The following FTCD variants were observed in gnomAD, a reference collection of about 807,000 sequenced individuals.
FTCD encodes the protein formimidoyltransferase-cyclodeaminase.
Under a neutral mutation model 62.9 loss-of-function variants are expected in FTCD, and 76 were observed. The observed-to-expected ratio is 1.21, with a 90% CI of 1.00 to 1.46. FTCD has a LOEUF of 1.46. Ranked by LOEUF, FTCD falls within the 40% of genes most tolerant of loss-of-function variation. The pLI, the probability that FTCD is intolerant of heterozygous loss-of-function variation, is 0.00. For missense variants in FTCD, 845 were observed against 751.3 expected (o/e 1.12, Z -1.46); for synonymous variants, 397 against 336.9 (o/e 1.18, Z -1.95).
intron 7 of FTCD, among the ~76,000 whole-genome samples, chr21:46,148,158 C>T (rs1388394968): frequency 6.6e-6 from 1 of 152,144 alleles, no homozygotes; most frequent in African/African-American, 2.4e-5. Flanking sequence ...AAGTACTCCC[C>T]ACAACGTATT....
intron 10 of FTCD, among the ~76,000 whole-genome samples, chr21:46,139,441 C>T (rs1004045107): frequency 6.6e-6 from 1 of 152,178 alleles, no homozygotes; most frequent in Non-Finnish European, 1.5e-5. Context: ...CTCGGCTCCT[C>T]GGACCCACCC....
chr21:46,148,955 T>G (rs996548480), intron 7 of FTCD, among the ~76,000 whole-genome samples: 15 of 152,224 alleles, frequency 9.9e-5, no homozygotes, highest in African/African-American at 3.6e-4. Flanking sequence ...ACTGTGGTTA[T>G]GTAAGAGAAT....
rs201005405 is a variant in FTCD, at chr21:46,151,514, C to G, written c.636+44G>C. 2.6e-6 allele frequency: 4 copies of G among 1,563,114 alleles called. No homozygotes were observed. The South Asian group carries it at 3.3e-5, about 13-fold the overall frequency. On this transcript the variant is annotated intron_variant, in intron 5 of 13. Transcript: ENST00000397746. Reference sequence around the variant, plus strand: ...AGGCTCTCAGCCTCTAACCCTTTCCCGAGGGGCTGGGTGGGGCTCCATGGG... The same window carrying G: ...AGGCTCTCAGCCTCTAACCCTTTCCGGAGGGGCTGGGTGGGGCTCCATGGG...
At position 46,136,854 on chromosome 21, in the gene FTCD, C is replaced by T. The variant is rs549899245; in HGVS notation, c.*133G>A. 4.8e-5 allele frequency: 75 copies of T among 1,553,544 alleles called. No individual in the cohort carries two copies. In the African/African-American group the frequency reaches 5.2e-4, roughly 11 times the overall value. Reference sequence around the variant, plus strand: ...CCCTGCCAGCGCCTCCATTCCCAGGCGATGCCCCGCTGCCTGCCCACCTAC... The same window carrying T: ...CCCTGCCAGCGCCTCCATTCCCAGGTGATGCCCCGCTGCCTGCCCACCTAC... On this transcript the variant is annotated 3_prime_UTR_variant, in exon 14 of 14. Coordinates refer to ENST00000397746, the MANE Select transcript of FTCD (RefSeq NM_206965.2).
chr21:46,151,424 G>A (rs1200544574), intron 5 of FTCD, 134 bp downstream of exon 5: 10 of 800,890 alleles, frequency 1.2e-5, no homozygotes, highest in South Asian at 1.5e-5. Flanking sequence ...AGGCTGGGCC[G>A]GTCTGCAGGT....
Position 46,150,108 on chromosome 21 carries a change from G to A in FTCD, c.906+11C>T. On this transcript the variant is annotated intron_variant, in intron 7 of 13. Coordinates refer to ENST00000397746, the MANE Select transcript of FTCD (RefSeq NM_206965.2). ...GCCCCTGTCCGACCCTTCCTCGGCA[G>A]CCCGGCCCACCAGCCTGATCCGCTG... The A allele has an allele frequency of 6.8e-7, 1 of 1,481,328 alleles. No homozygotes were observed. The highest frequency in any genetic ancestry group is 9.1e-7 in the Non-Finnish European group (1 of 1,099,400). The allele number at this position is 1,481,328 out of a possible 1,614,324, so 91.8% of individuals were successfully genotyped here.
At chr21:46,154,417 A>C in intron 1 of FTCD, 85 bp from the exon 2 acceptor site, 1 of 1,465,842 alleles carries the variant, frequency 6.8e-7, no homozygotes, top group Non-Finnish European at 9.3e-7. Context: ...ACCCCGAGAC[A>C]CAAATGGGGG....
Position 46,154,202 on chromosome 21 carries a change from G to GC in FTCD, c.184dup (p.Ala62GlyfsTer42). On this transcript the variant is annotated frameshift_variant, in exon 2 of 14. Coordinates refer to ENST00000397746, the MANE Select transcript of FTCD (RefSeq NM_206965.2). LOFTEE classifies it high-confidence loss of function. ...GGAAGCTACCCGGGCAGCGTTGAGG[G>GC]CCCCCTCCACCACGCACTCCGGCGG... 1 of 1,612,734 alleles carries GC rather than the reference G, an allele frequency of 6.2e-7. No individual in the cohort carries two copies.
chr21:46,137,613 T>C (rs1034360227), intron 12 of FTCD, among the ~76,000 whole-genome samples: 2 of 111,184 alleles, frequency 1.8e-5, no homozygotes, highest in Admixed American at 2.2e-4. Context: ...ACCACAGTTC[T>C]AGAGACAAAG....
chr21:46,142,009 G>C (rs962703833), intron 10 of FTCD: 1 of 152,384 alleles, frequency 6.6e-6, no homozygotes, highest in African/African-American at 2.4e-5. Flanking sequence ...GAAAGGCGGA[G>C]CTCTGAGGCA....
intron 12 of FTCD, 28 bp from the exon 13 acceptor site, chr21:46,137,362 T>C (rs754686623): frequency 1.3e-6 from 2 of 1,555,434 alleles, no homozygotes; most frequent in South Asian, 2.2e-5. Context: ...AGCCCCTACA[T>C]GGATCAAGGC....
chr21:46,146,553 G>T (rs1289398536), intron 7 of FTCD: 1 of 590,878 alleles, frequency 1.7e-6, no homozygotes, highest in Non-Finnish European at 3.0e-6. Context: ...TCTGGAAACA[G>T]CCATCACCCT....
chr21:46,138,509 T>C lies in FTCD; in HGVS notation c.1442A>G (p.Gln481Arg). The C allele has an allele frequency of 6.3e-7, 1 of 1,584,310 alleles. No homozygotes were observed. Among genetic ancestry groups the C allele is most frequent in the South Asian group, 1.1e-5 (1 of 88,068 alleles). Reference protein sequence around the residue: ...CGNLACRSDLQVAAKALEMGV... With the variant: ...CGNLACRSDLRVAAKALEMGV... The stretch of plus-strand genomic sequence containing the variant: ...CTGGGGTCCCCCGGGCCCCCCTACC[T>C]GGAGGTCTGACCGGCAGGCCAGGTT... Residue 481 changes from glutamine (Q) to arginine (R), a missense_variant and splice_region_variant, in exon 12 of 14, where the codon CAG becomes CGG. Coordinates refer to ENST00000397746, the MANE Select transcript of FTCD (RefSeq NM_206965.2).
At chr21:46,138,453 A>G in intron 12 of FTCD, 55 bp downstream of exon 12, 2 of 1,530,592 alleles carry the variant, frequency 1.3e-6, no homozygotes, top group South Asian at 1.2e-5. Flanking sequence ...ACTCAGCCCC[A>G]ACAGCTGCTT....
chr21:46,138,838 C>A (rs1287385993), intron 11 of FTCD, 42 bp downstream of exon 11: 2 of 1,572,814 alleles, frequency 1.3e-6, no homozygotes, highest in Non-Finnish European at 1.8e-6. Flanking sequence ...ACCAACTCCC[C>A]AGACACAGAG....
chr21:46,154,100 C>T (rs778593860), intron 2 of FTCD, 49 bp downstream of exon 2: 50 of 1,591,572 alleles, frequency 3.1e-5, no homozygotes, highest in Admixed American at 6.7e-5. Flanking sequence ...CAGGGCTCGG[C>T]CCTGACATTC....
At chr21:46,152,055 G>A (rs1003519228) in intron 3 of FTCD, 75 bp from the exon 4 acceptor site, 5 of 1,060,832 alleles carry the variant, frequency 4.7e-6, no homozygotes, top group Non-Finnish European at 7.0e-6. Flanking sequence ...CGCAGGTGGA[G>A]GGGCTCCCTC....
chr21:46,151,256 G>T (rs558813601), intron 5 of FTCD, among the ~76,000 whole-genome samples: 2 of 152,210 alleles, frequency 1.3e-5, no homozygotes, highest in Non-Finnish European at 2.9e-5. Context: ...TGGGACTCCG[G>T]AAGTCGCTGT....
rs2079275068 is a variant in FTCD at position 46,151,557 on chromosome 21, C to T, written c.636+1G>A. 2 of 1,612,114 alleles carry T rather than the reference C, an allele frequency of 1.2e-6. No individual in the cohort carries two copies. The highest frequency in any genetic ancestry group is 1.7e-6 in the Non-Finnish European group (2 of 1,179,396). The stretch of plus-strand genomic sequence containing the variant: ...TCCATGGGGTCAGTGAACGGGGTCA[C>T]CTGGTCCTTCCCGCGGCCCTGCTCC... On this transcript the variant is annotated splice_donor_variant, in intron 5 of 13. Coordinates refer to ENST00000397746, the MANE Select transcript of FTCD (RefSeq NM_206965.2). LOFTEE classifies it high-confidence loss of function.
Sources: allele counts gnomAD v4.1 joint callset (sites outside exome capture counted in the v4.1 genomes callset), GRCh38; gene constraint gnomAD v4.1.1; transcripts MANE v1.5; gene names NCBI Gene and HGNC (gene_info 2026-07-23, HGNC 2026-07-21).